The following AKAP4 variants were observed in gnomAD, a reference collection of about 807,000 sequenced individuals.
AKAP4 encodes A-kinase anchoring protein 4, also known as A-kinase anchor protein 4.
AKAP4 carries 4 observed loss-of-function variants against 42.6 expected under a neutral mutation model. That is an observed-to-expected ratio of 0.09 (90% CI 0.05 to 0.22). AKAP4 has a LOEUF of 0.22. Among genes scored for constraint, AKAP4 ranks in the 10% least tolerant of loss-of-function variants. The probability of loss-of-function intolerance (pLI) is 1.00; values close to 1 mark genes in which losing one functional copy is unlikely to be tolerated. For synonymous variants in AKAP4, 223 were observed against 233.0 expected, an observed-to-expected ratio of 0.96 and a Z score of 0.39; for missense variants, 551 against 630.7, an observed-to-expected ratio of 0.87 and a Z score of 1.35.
Position 50,190,801 on chromosome X carries a change from C to T in AKAP4, c.*159G>A. On this transcript the variant is annotated 3_prime_UTR_variant, in exon 6 of 6. Transcript: ENST00000358526. ...ATTATTATTTTTTTTTATTTTATTT[C>T]CCAGTTTGTTGACACCTCTTACATT... The T allele has an allele frequency of 4.4e-6, 2 of 457,246 alleles. No homozygotes were observed. Among genetic ancestry groups the T allele is most frequent in the Non-Finnish European group, 3.5e-6 (1 of 288,542 alleles). 37.7% of individuals were successfully genotyped at this position (457,246 alleles called of 1,213,427 possible).
chrX:50,198,718 C>T lies in AKAP4; in HGVS notation c.62G>A (p.Arg21Lys), dbSNP rs782078614. The T allele has an allele frequency of 2.5e-6, 3 of 1,209,312 alleles. No homozygotes were observed. Among genetic ancestry groups the T allele is most frequent in the Non-Finnish European group, 3.4e-6 (3 of 893,935 alleles). The change falls in exon 2 of 6, where the codon AGG becomes AAG. Residue 21 changes from arginine to lysine, a missense_variant. Coordinates refer to ENST00000358526, the MANE Select transcript of AKAP4 (RefSeq NM_003886.3). The part of the protein sequence containing the change: ...SDDIDWLRSH[R>K]GVCKVDLYNP... ...GTAGAGATCTACCTTGCACACACCC[C>T]TGTGGCTGCGTAACCAGTCAATATC... is the stretch of plus-strand genomic sequence containing the variant.
chrX:50,195,996 A>C (rs782767629), intron 4 of AKAP4, among the ~76,000 whole-genome samples: 1 of 111,306 alleles, frequency 9.0e-6, no homozygotes, highest in Non-Finnish European at 1.9e-5. Flanking sequence ...TTTGCAAATG[A>C]GCTTAAGTTA....
chrX:50,192,857 A>G lies in AKAP4; in HGVS notation c.1856T>C (p.Leu619Pro). 1 of 1,211,972 alleles carries G rather than the reference A, an allele frequency of 8.3e-7. No individual in the cohort carries two copies. Among genetic ancestry groups the G allele is most frequent in the East Asian group, 3.0e-5 (1 of 33,838 alleles). ...TGACATATCCATTTTCTGGGAGTCC[A>G]GGTGTTGGTTCTCCTTTTGACAGGT... ...PSTCQKENQH[L>P]DSQKMDMSNI... is the part of the protein sequence containing the mutation. Residue 619 changes from leucine (L) to proline (P), a missense_variant, in exon 5 of 6, where the codon CTG (leucine) becomes CCG (proline). Physicochemically the swap from Leu to Pro is moderately conservative, Grantham distance 98 (BLOSUM62 -3). Transcript: ENST00000358526.
chrX:50,194,528 A>T (rs1035696350), intron 4 of AKAP4, 92 bp from the exon 5 acceptor site: 1 of 755,884 alleles, frequency 1.3e-6, no homozygotes, highest in Admixed American at 4.0e-5. Flanking sequence ...TAGGGATTTG[A>T]CCTTTTGGAG....
chrX:50,199,884 CCTT>C (rs1327087373), intron 1 of AKAP4, among the ~76,000 whole-genome samples: 2 of 74,552 alleles, frequency 2.7e-5, no homozygotes, highest in Non-Finnish European at 2.5e-5. Context: ...CTTTCTCCCT[CCTT>C]CTTTCCTTCC....
In AKAP4 at chrX:50,192,295, A is replaced by G. The variant is rs1168500394; in HGVS notation, c.2409+9T>C. On this transcript the variant is annotated intron_variant, in intron 5 of 5. Transcript: ENST00000358526. ...CAACTTTCTTCTTGTGCCTTAATGC[A>G]TTACTTACCTTTTCCAGTTGTCCAT... The G allele has an allele frequency of 7.7e-6, 9 of 1,173,509 alleles. No individual in the cohort carries two copies. The highest frequency in any genetic ancestry group is 1.0e-5 in the Non-Finnish European group (9 of 876,585).
chrX:50,195,847 A>G (rs1437448816), intron 4 of AKAP4, among the ~76,000 whole-genome samples: 1 of 111,182 alleles, frequency 9.0e-6, no homozygotes, highest in Non-Finnish European at 1.9e-5. Flanking sequence ...GTGTATGCCC[A>G]TGTCCAGATA....
chrX:50,197,629 T>A (rs375816272), intron 2 of AKAP4, 35 bp from the exon 3 acceptor site: 3 of 1,155,169 alleles, frequency 2.6e-6, no homozygotes, highest in Non-Finnish European at 2.4e-6. Context: ...TTAGAAAAAC[T>A]CTAGAGAAAG....
intron 4 of AKAP4, among the ~76,000 whole-genome samples, chrX:50,195,553 G>GT (rs1270047745): frequency 2.7e-5 from 3 of 111,687 alleles, no homozygotes; most frequent in African/African-American, 9.8e-5. Context: ...GTGTGTGAAT[G>GT]TATGTTCATG....
chrX:50,197,427 C>T, intron 3 of AKAP4, 117 bp downstream of exon 3: 1 of 613,743 alleles, frequency 1.6e-6, no homozygotes, highest in Non-Finnish European at 2.5e-6. Flanking sequence ...GGCTTTCCCC[C>T]TGAGTCCCCT....
In AKAP4 at chrX:50,190,787, T is replaced by A. The variant is rs1602164796; in HGVS notation, c.*173A>T. The A allele has an allele frequency of 4.6e-6, 2 of 436,731 alleles. No individual in the cohort carries two copies. The highest frequency in any genetic ancestry group is 5.0e-5 in the African/African-American group (2 of 39,923). 36.0% of individuals were successfully genotyped at this position (436,731 alleles called of 1,213,427 possible). On this transcript the variant is annotated 3_prime_UTR_variant, in exon 6 of 6. Transcript: ENST00000358526. ...ACAATGACACATTTATTATTATTTT[T>A]TTTTATTTTATTTCCCAGTTTGTTG...
At chrX:50,199,943 T>C (rs1395458533) in intron 1 of AKAP4, among the ~76,000 whole-genome samples, 1 of 93,944 alleles carries the variant, frequency 1.1e-5, no homozygotes, top group African/African-American at 4.0e-5. Flanking sequence ...AGCTATTCTC[T>C]AATGGCTATC....
chrX:50,191,359 T>C (rs1935106426), intron 5 of AKAP4, among the ~76,000 whole-genome samples: 1 of 111,402 alleles, frequency 9.0e-6, no homozygotes, highest in Non-Finnish European at 1.9e-5. Context: ...CCAAAGATAC[T>C]TTCTTTTTTG....
intron 4 of AKAP4, 62 bp from the exon 5 acceptor site, chrX:50,194,498 A>T (rs1336285381): frequency 2.2e-6 from 2 of 919,327 alleles, no homozygotes; most frequent in Non-Finnish European, 3.0e-6. Context: ...CCCTTATTTT[A>T]TTTAGAAGAT....
Position 50,198,223 on chromosome X carries a change from A to G in AKAP4, c.123+434T>C, listed in dbSNP as rs191027837. Among the ~76,000 whole-genome samples the G allele has an allele frequency of 3.6e-5, 4 of 111,866 alleles. No individual in the cohort carries two copies. In the East Asian group the frequency reaches 1.1e-3, roughly 31 times the overall value. ...TTGTAAAAATACATATTAATTAAAT[A>G]ATAGTATGCGTGACATTTGAACATG... On this transcript the variant is annotated intron_variant, in intron 2 of 5. Coordinates refer to ENST00000358526, the MANE Select transcript of AKAP4 (RefSeq NM_003886.3).
intron 2 of AKAP4, among the ~76,000 whole-genome samples, 156 bp from the exon 3 acceptor site, chrX:50,197,750 C>T (rs1557204504): frequency 8.9e-6 from 1 of 111,852 alleles, no homozygotes; most frequent in Non-Finnish European, 1.9e-5. Context: ...TTGCCTGGCA[C>T]ATAGTGAGTA....
In AKAP4 at chrX:50,190,947, G is replaced by C. The variant is rs782162811; in HGVS notation, c.*13C>G. ...GCTAGGGGGGCTAAGATGAAGAGGA[G>C]TCAAGGATCAGCTCACAGGTTAGCG... is the stretch of plus-strand genomic sequence containing the variant. On this transcript the variant is annotated 3_prime_UTR_variant, in exon 6 of 6. Transcript: ENST00000358526. 10 of 1,209,579 alleles carry C rather than the reference G, an allele frequency of 8.3e-6. No homozygotes were observed. The South Asian group carries it at 1.4e-4, about 17-fold the overall frequency.
chrX:50,199,192 A>G (rs1935229878), intron 1 of AKAP4, among the ~76,000 whole-genome samples: 1 of 111,412 alleles, frequency 9.0e-6, no homozygotes, highest in Non-Finnish European at 1.9e-5. Flanking sequence ...ATTCTAGCTA[A>G]CTCCAGTTCA....
intron 1 of AKAP4, among the ~76,000 whole-genome samples, chrX:50,199,593 C>A (rs1935234408): frequency 9.0e-6 from 1 of 111,377 alleles, no homozygotes; most frequent in African/African-American, 3.3e-5. Flanking sequence ...CTACGTAAGA[C>A]CTGAGATTTA....
Sources: allele counts gnomAD v4.1 joint callset (sites outside exome capture counted in the v4.1 genomes callset), GRCh38; gene constraint gnomAD v4.1.1; transcripts MANE v1.5; gene names NCBI Gene and HGNC (gene_info 2026-07-23, HGNC 2026-07-21).